CLUH: variants seen among roughly 807,000 people sequenced by gnomAD.
CLUH encodes CLUH binding protein of NUMT mRNA.
Under a neutral mutation model 139.3 loss-of-function variants are expected in CLUH, and 77 were observed. The ratio of observed to expected loss-of-function variants is 0.55; its 90% CI spans 0.46 to 0.67. The LOEUF is 0.67. CLUH is among the 30% of genes least tolerant of loss of function. The probability of loss-of-function intolerance (pLI) is 0.00; values close to 1 mark genes in which losing one functional copy is unlikely to be tolerated. For missense variants in CLUH, 1,876 were observed against 1,875.8 expected (o/e 1.00, Z 0.00); for synonymous variants, 999 against 801.6 (o/e 1.25, Z -4.16).
At position 2,691,648 on chromosome 17, in the gene CLUH, T is replaced by A; in HGVS notation, c.3824A>T (p.Gln1275Leu). Residue 1275 changes from glutamine to leucine, a missense_variant, in exon 25 of 26, where the codon CAG (glutamine) becomes CTG (leucine). By Grantham distance (113) the Gln-to-Leu change is moderately radical. Coordinates refer to ENST00000651024, the MANE Select transcript of CLUH (RefSeq NM_001366661.1). ...TAPSMASVLE[Q>L]LNVINGILFI... ...GAGGATGCCGTTAATGACGTTCAGC[T>A]GCTCCAAGACGCTGGCCATGCTGGG... 6.2e-7 allele frequency: 1 copy of A among 1,612,656 alleles called. No homozygotes were observed. Among genetic ancestry groups the A allele is most frequent in the Non-Finnish European group, 8.5e-7 (1 of 1,179,322 alleles).
At chr17:2,694,324 CG>C in intron 17 of CLUH, 48 bp from the exon 18 acceptor site, 1 of 1,546,722 alleles carries the variant, frequency 6.5e-7, no homozygotes, top group Non-Finnish European at 8.7e-7. Flanking sequence ...CCAGGTTCAG[CG>C]GGTTGGCACC....
intron 9 of CLUH, among the ~76,000 whole-genome samples, chr17:2,700,154 G>A (rs772908408): frequency 5.9e-5 from 9 of 152,222 alleles, no homozygotes; most frequent in African/African-American, 1.4e-4. Context: ...AGTAGGGCCC[G>A]CTCCTTCCAG....
chr17:2,692,981 C>T (rs1008846037), intron 19 of CLUH, 121 bp from the exon 20 acceptor site: 5 of 965,086 alleles, frequency 5.2e-6, no homozygotes, highest in East Asian at 2.7e-5. Context: ...TCCGGCTGCG[C>T]CCAGCACAGT....
Position 2,694,917 on chromosome 17 carries a change from T to TG in CLUH, c.2791dup (p.Gln931ProfsTer16). ...CTGGCAGATGTTCTTCCAGAGCTCC[T>TG]GGGGGGTCATGACAGCCCAGGCTGT... On this transcript the variant is annotated frameshift_variant, in exon 16 of 26. Coordinates refer to ENST00000651024, the MANE Select transcript of CLUH (RefSeq NM_001366661.1). LOFTEE classifies it high-confidence loss of function. 1.9e-6 allele frequency: 3 copies of TG among 1,599,296 alleles called. No individual in the cohort carries two copies. Among genetic ancestry groups the TG allele is most frequent in the Non-Finnish European group, 2.6e-6 (3 of 1,171,768 alleles).
At chr17:2,698,708 GAC>G in intron 9 of CLUH, 118 bp from the exon 10 acceptor site, 1 of 929,716 alleles carries the variant, frequency 1.1e-6, no homozygotes, top group Non-Finnish European at 1.6e-6. Flanking sequence ...GAAACCCAAG[GAC>G]CCGGAGCCTC....
rs868708851 is a variant in CLUH, at chr17:2,698,302, G to A, written c.1555C>T (p.Arg519Trp). Residue 519 changes from arginine (R) to tryptophan (W), a missense_variant, in exon 10 of 26, where the codon CGG (arginine) becomes TGG (tryptophan). By Grantham distance (101) the Arg-to-Trp change is moderately radical. Transcript: ENST00000651024. ...GGGATGATGGACTGGGCCGTGACCC[G>A]GTAGCCGCGGTAATCCACCACCACC... ...GTVVVDYRGYRVTAQSIIPGI... is the reference protein window; with the variant it reads ...GTVVVDYRGYWVTAQSIIPGI... 2 of 1,612,332 alleles carry A rather than the reference G, an allele frequency of 1.2e-6. No individual in the cohort carries two copies. Among genetic ancestry groups the A allele is most frequent in the South Asian group, 1.1e-5 (1 of 90,854 alleles).
At position 2,694,527 on chromosome 17, in the gene CLUH, G is replaced by A; in HGVS notation, c.2890C>T (p.Gln964Ter). Residue 964 changes from glutamine (Q) to a stop codon, truncating the protein, a stop_gained, in exon 17 of 26, where the codon CAG (glutamine) becomes TAG (stop). Coordinates refer to ENST00000651024, the MANE Select transcript of CLUH (RefSeq NM_001366661.1). LOFTEE classifies it high-confidence loss of function. ...ATCTCCCGCAGGAGCGTTATCTTCT[G>A]CAGGCCGTAGGTCTCCACAGCCTGG... Reference protein sequence around the residue: ...VDQAVETYGLQKITLLREISL... With the variant: ...VDQAVETYGL 1 of 1,583,148 alleles carries A rather than the reference G, an allele frequency of 6.3e-7. No homozygotes were observed. Among genetic ancestry groups the A allele is most frequent in the Non-Finnish European group, 8.6e-7 (1 of 1,165,166 alleles).
intron 9 of CLUH, 125 bp from the exon 10 acceptor site, chr17:2,698,715 A>T: frequency 1.2e-6 from 1 of 867,544 alleles, no homozygotes; most frequent in Non-Finnish European, 1.7e-6. Flanking sequence ...AAGGACCCGG[A>T]GCCTCAGTTT....
At position 2,694,683 on chromosome 17, in the gene CLUH, C is replaced by T. The variant is rs1047708881; in HGVS notation, c.2853-119G>A. On this transcript the variant is annotated intron_variant, in intron 16 of 25. Coordinates refer to ENST00000651024, the MANE Select transcript of CLUH (RefSeq NM_001366661.1). ...CCCCAACACTGCCCCACCCGGCCCC[C>T]GGGAGCCTCCCGGCTGCCCTCACCC... The T allele has an allele frequency of 1.4e-5, 19 of 1,326,134 alleles. No individual in the cohort carries two copies. In the East Asian group the frequency reaches 1.5e-4, roughly 11 times the overall value. 82.1% of individuals were successfully genotyped at this position (1,326,134 alleles called of 1,614,324 possible). A position where few individuals can be genotyped will look rare whatever the true frequency, so the allele number is the denominator to read the frequency against.
intron 22 of CLUH, 37 bp from the exon 23 acceptor site, chr17:2,692,134 T>C (rs1042369830): frequency 1.9e-6 from 3 of 1,556,594 alleles, no homozygotes; most frequent in Non-Finnish European, 1.7e-6. Flanking sequence ...GGGAAGGGCA[T>C]AAGTGGGCTG....
At position 2,696,538 on chromosome 17, in the gene CLUH, G is replaced by A. The variant is rs757288802; in HGVS notation, c.2186C>T (p.Ala729Val). Reference sequence around the variant, plus strand: ...GATCACCTCCCGGCTCCGAGGGTCTGCTGTGGAGACATGGCTCCATGAGAC... The same window carrying A: ...GATCACCTCCCGGCTCCGAGGGTCTACTGTGGAGACATGGCTCCATGAGAC... ...AETIAADDGT[A>V]DPRSREVIRN... Residue 729 changes from alanine (A) to valine (V), a missense_variant and splice_region_variant, in exon 12 of 26, where the codon GCA becomes GTA. Transcript: ENST00000651024. 2.6e-6 allele frequency: 4 copies of A among 1,565,846 alleles called. No homozygotes were observed. The highest frequency in any genetic ancestry group is 1.4e-5 in the African/African-American group (1 of 73,814).
intron 9 of CLUH, among the ~76,000 whole-genome samples, chr17:2,699,757 G>A (rs1274357487): frequency 2.0e-5 from 3 of 151,902 alleles, no homozygotes; most frequent in African/African-American, 2.4e-5. Context: ...TCAGACTCCC[G>A]AGTAGCTGGG....
Position 2,695,442 on chromosome 17 carries a change from G to A in CLUH, c.2476C>T (p.Arg826Cys), listed in dbSNP as rs925101230. Residue 826 changes from arginine to cysteine, a missense_variant, in exon 14 of 26, where the codon CGC becomes TGC. Transcript: ENST00000651024. Reference protein sequence around the residue: ...EVMRQRGINMRYLGKVLELVL... With the variant: ...EVMRQRGINMCYLGKVLELVL... ...AGCTCCAGCACCTTGCCCAGGTAGCGCATGTTGATGCCCCGCTGGCGCATC... is the reference window on the plus strand; with the variant it reads ...AGCTCCAGCACCTTGCCCAGGTAGCACATGTTGATGCCCCGCTGGCGCATC... 1.9e-6 allele frequency: 3 copies of A among 1,612,168 alleles called. No individual in the cohort carries two copies. Among genetic ancestry groups the A allele is most frequent in the Non-Finnish European group, 2.5e-6 (3 of 1,179,766 alleles).
chr17:2,709,626 A>T (rs1478227251), intron 1 of CLUH, among the ~76,000 whole-genome samples: 1 of 151,902 alleles, frequency 6.6e-6, no homozygotes, highest in Non-Finnish European at 1.5e-5. Flanking sequence ...TAACCCCTAA[A>T]AGCCGCTGTA....
upstream of CLUH, chr17:2,711,778 C>G (rs977483695): frequency 2.1e-5 from 6 of 291,316 alleles, no homozygotes; most frequent in South Asian, 6.6e-4. Flanking sequence ...CCACGTGGTG[C>G]GCGCCGTGGC....
Position 2,694,580 on chromosome 17 carries a change from G to T in CLUH, c.2853-16C>A. The T allele has an allele frequency of 6.4e-7, 1 of 1,563,060 alleles. No homozygotes were observed. Among genetic ancestry groups the T allele is most frequent in the African/African-American group, 1.4e-5 (1 of 73,808 alleles). On this transcript the variant is annotated splice_polypyrimidine_tract_variant and intron_variant, in intron 16 of 25. Coordinates refer to ENST00000651024, the MANE Select transcript of CLUH (RefSeq NM_001366661.1). ...CACGGTCTCACTGAGGAGGGAGCAGGGGGCCTGAGCAGCCCAAGCACCGCC... is the reference window on the plus strand; with the variant it reads ...CACGGTCTCACTGAGGAGGGAGCAGTGGGCCTGAGCAGCCCAAGCACCGCC...
rs1044623791 is a variant in CLUH at position 2,690,064 on chromosome 17, G to A, written c.*530C>T. 3 of 150,864 alleles carry A rather than the reference G, an allele frequency of 2.0e-5. No individual in the cohort carries two copies. Among genetic ancestry groups the A allele is most frequent in the African/African-American group, 7.3e-5 (3 of 40,854 alleles). The allele number at this position is 150,864 out of a possible 1,614,324, so 9.3% of individuals were successfully genotyped here. ...CCCTCCAGCCCCGCCACAGAGCTCC[G>A]GCTCCCCACCCCTCCCCACCGGGTT... On this transcript the variant is annotated 3_prime_UTR_variant, in exon 26 of 26. Transcript: ENST00000651024.
In CLUH at chr17:2,701,389, G is replaced by T; in HGVS notation, c.876C>A (p.Ser292=). 6.2e-7 allele frequency: 1 copy of T among 1,609,178 alleles called. No homozygotes were observed. The highest frequency in any genetic ancestry group is 8.5e-7 in the Non-Finnish European group (1 of 1,178,068). The part of the protein sequence containing the change: ...AEDRQVSITA[S]TRGFYLNQST... Reference sequence around the variant, plus strand: ...ACTGATTCAGGTAAAAGCCCCGTGTGGACGCGGTGATGCTGACTTGCCGGT... The same window carrying T: ...ACTGATTCAGGTAAAAGCCCCGTGTTGACGCGGTGATGCTGACTTGCCGGT... Residue 292 remains serine (S), a synonymous_variant, in exon 6 of 26, where the codon TCC becomes TCA. Transcript: ENST00000651024.
chr17:2,692,974 G>A (rs1440993227), intron 19 of CLUH, 114 bp from the exon 20 acceptor site: 4 of 1,056,072 alleles, frequency 3.8e-6, no homozygotes, highest in Middle Eastern at 3.1e-4. Context: ...TGTCCCCTCC[G>A]GCTGCGCCCA....
Sources: gnomAD v4.1 joint callset for allele counts (sites outside exome capture counted in the v4.1 genomes callset) on GRCh38, gnomAD v4.1.1 for gene constraint, MANE v1.5 for transcripts, NCBI Gene and HGNC (gene_info 2026-07-23, HGNC 2026-07-21) for gene names.